ZNF215: variants seen among roughly 807,000 people sequenced by gnomAD.
ZNF215 encodes the protein zinc finger protein 215.
A neutral mutation model predicts 27.2 loss-of-function variants in ZNF215; 24 were observed. The ratio of observed to expected loss-of-function variants is 0.88; its 90% confidence interval spans 0.64 to 1.24. ZNF215 has a LOEUF of 1.24. ZNF215 is among the 50% of genes most tolerant of loss of function. ZNF215 has a pLI of 0.00. For synonymous variants in ZNF215, 210 were observed against 204.0 expected (o/e 1.03, Z -0.25); for missense variants, 675 against 605.7 (o/e 1.11, Z -1.20).
intron 6 of ZNF215, among the ~76,000 whole-genome samples, chr11:6,949,558 C>T (rs1400345585): frequency 1.1e-4 from 16 of 151,874 alleles, no homozygotes; most frequent in South Asian, 2.1e-4. Context: ...TCATGTCCTT[C>T]GCCCACTTGT....
downstream of ZNF215, among the ~76,000 whole-genome samples, chr11:6,992,663 C>T (rs1851128338): frequency 6.6e-6 from 1 of 152,182 alleles, no homozygotes; most frequent in South Asian, 2.1e-4. Context: ...TAGAATCAAC[C>T]ATTGGGACTT....
chr11:6,942,067 G>C (rs1293844049), intron 4 of ZNF215, among the ~76,000 whole-genome samples: 3 of 152,166 alleles, frequency 2.0e-5, no homozygotes, highest in African/African-American at 7.2e-5. Context: ...GAATATTTAA[G>C]GGAGAAATGC....
Position 6,955,599 on chromosome 11 carries a change from T to C in ZNF215, c.713-91T>C, listed in dbSNP as rs1030334986. On this transcript the variant is annotated intron_variant, in intron 6 of 6. Transcript: ENST00000278319. ...ATTTCCATTCTGTATTTAAGACCCG[T>C]GGTATATGCATATACCTTATACAGT... The C allele has an allele frequency of 7.3e-6, 9 of 1,232,244 alleles. No homozygotes were observed. The Admixed American group carries it at 1.7e-4, about 23-fold the overall frequency. The allele number at this position is 1,232,244 out of a possible 1,614,324, so 76.3% of individuals were successfully genotyped here. A position where few individuals can be genotyped will look rare whatever the true frequency, so the allele number is the denominator to read the frequency against.
At position 6,956,246 on chromosome 11, in the gene ZNF215, TA is replaced by T; in HGVS notation, c.1271del (p.Lys424SerfsTer59). 1 of 1,613,852 alleles carries T rather than the reference TA, an allele frequency of 6.2e-7. No individual in the cohort carries two copies. Among genetic ancestry groups the T allele is most frequent in the Non-Finnish European group, 8.5e-7 (1 of 1,179,950 alleles). ...TCTTCAACCGACGTACAAACCTTAC[TA>T]AGCATCAAAAACTTCATGCTGAAGC... ...RFFNRRTNLTKHQKLHAEAKA... is the reference protein window; with the variant it reads ...RFFNRRTNLTXHQKLHAEAKA... On this transcript the variant is annotated frameshift_variant, in exon 7 of 7. Coordinates refer to ENST00000278319, the MANE Select transcript of ZNF215 (RefSeq NM_013250.4). LOFTEE classifies it low-confidence loss of function (END_TRUNC).
chr11:6,968,262 A>G (rs1260995108), intron 5 of ZNF215, among the ~76,000 whole-genome samples: 1 of 152,178 alleles, frequency 6.6e-6, no homozygotes, highest in Non-Finnish European at 1.5e-5. Flanking sequence ...TGTCCTGGCT[A>G]TATGGGCTCT....
intron 6 of ZNF215, among the ~76,000 whole-genome samples, chr11:6,954,027 G>C (rs1163027790): frequency 6.6e-6 from 1 of 152,220 alleles, no homozygotes; most frequent in Admixed American, 6.5e-5. Flanking sequence ...CTGGGTACCA[G>C]CAATGGTGGC....
At position 6,956,370 on chromosome 11, in the gene ZNF215, G is replaced by A. The variant is rs1850354986; in HGVS notation, c.1393G>A (p.Val465Ile). The A allele has an allele frequency of 1.2e-6, 2 of 1,614,030 alleles. No homozygotes were observed. Among genetic ancestry groups the A allele is most frequent in the Non-Finnish European group, 1.7e-6 (2 of 1,180,026 alleles). Residue 465 changes from valine to isoleucine, a missense_variant, in exon 7 of 7, where the codon GTT (valine) becomes ATT (isoleucine). Coordinates refer to ENST00000278319, the MANE Select transcript of ZNF215 (RefSeq NM_013250.4). Reference sequence around the variant, plus strand: ...TTTTGGAAACAATTTCTATCAATGTGTTAACTGTGGAAAATCCTTCAACCG... The same window carrying A: ...TTTTGGAAACAATTTCTATCAATGTATTAACTGTGGAAAATCCTTCAACCG... ...LHFGNNFYQC[V>I]NCGKSFNRSS... is the part of the protein sequence containing the mutation.
chr11:6,945,604 C>G (rs1252377231), intron 6 of ZNF215, among the ~76,000 whole-genome samples: 1 of 152,206 alleles, frequency 6.6e-6, no homozygotes, highest in African/African-American at 2.4e-5. Context: ...CACTTGAATT[C>G]TCAGCAGCAA....
chr11:6,951,312 C>T (rs1453643888), intron 6 of ZNF215, among the ~76,000 whole-genome samples: 1 of 151,954 alleles, frequency 6.6e-6, no homozygotes, highest in Non-Finnish European at 1.5e-5. Flanking sequence ...GGAATGGTAC[C>T]AGTTCCTCCT....
intron 3 of ZNF215, among the ~76,000 whole-genome samples, chr11:6,933,964 G>A (rs920365803): frequency 6.6e-6 from 1 of 152,140 alleles, no homozygotes; most frequent in Admixed American, 6.5e-5. Context: ...AAGTGATATA[G>A]AGATTAGTTA....
At chr11:6,950,108 C>T (rs1849993887) in intron 6 of ZNF215, among the ~76,000 whole-genome samples, 1 of 151,588 alleles carries the variant, frequency 6.6e-6, no homozygotes, top group Non-Finnish European at 1.5e-5. Flanking sequence ...GTTTTGGTAC[C>T]AGTATCATGC....
intron 5 of ZNF215, among the ~76,000 whole-genome samples, chr11:6,964,796 G>C (rs2468986): frequency 0.27 from 40,219 of 151,220 alleles, 5,638 homozygotes; most frequent in African/African-American, 0.34. Flanking sequence ...TTTTTATTAG[G>C]GTTGCATTAA....
chr11:6,971,279 C>T (rs1190040846), intron 5 of ZNF215, among the ~76,000 whole-genome samples: 1 of 152,122 alleles, frequency 6.6e-6, no homozygotes, highest in East Asian at 1.9e-4. Context: ...TAATCTAAAT[C>T]CTTTCCATCA....
intron 6 of ZNF215, among the ~76,000 whole-genome samples, chr11:6,955,080 AAAGC>A (rs1206723912): frequency 6.6e-6 from 1 of 152,182 alleles, no homozygotes; most frequent in African/African-American, 2.4e-5. Flanking sequence ...GAAAAGTACC[AAAGC>A]ACTAATGTTG....
At chr11:6,927,439 C>CT (rs1227538781) in intron 1 of ZNF215, among the ~76,000 whole-genome samples, 2 of 152,116 alleles carry the variant, frequency 1.3e-5, no homozygotes, top group Admixed American at 1.3e-4. Context: ...CAGACAGTAC[C>CT]TTTTTTCCAT....
downstream of ZNF215, chr11:6,988,095 T>G: frequency 6.3e-6 from 4 of 636,878 alleles, no homozygotes; most frequent in Non-Finnish European, 7.8e-6. Flanking sequence ...ACCTGTCAGA[T>G]TAAATGTTAA....
At position 6,957,234 on chromosome 11, in the gene ZNF215, G is replaced by A; in HGVS notation, c.*703G>A. ...ATAATGTTATAATTGTTATGATGTTGATGAGAAAAATATCGATTCCCAGCC... is the reference window on the plus strand; with the variant it reads ...ATAATGTTATAATTGTTATGATGTTAATGAGAAAAATATCGATTCCCAGCC... On this transcript the variant is annotated 3_prime_UTR_variant, in exon 7 of 7. Transcript: ENST00000278319. The A allele has an allele frequency of 1.0e-6, 1 of 972,672 alleles. No homozygotes were observed. The highest frequency in any genetic ancestry group is 1.2e-6 in the Non-Finnish European group (1 of 818,308). The allele number at this position is 972,672 out of a possible 1,614,324, so 60.3% of individuals were successfully genotyped here. A position where few individuals can be genotyped will look rare whatever the true frequency, so the allele number is the denominator to read the frequency against.
chr11:6,965,905 T>C (rs1850609362), intron 5 of ZNF215, among the ~76,000 whole-genome samples: 1 of 152,176 alleles, frequency 6.6e-6, no homozygotes, highest in Non-Finnish European at 1.5e-5. Context: ...CTAGTTTGGA[T>C]TAGACTAATG....
chr11:6,984,660 A>T (rs1038834), downstream of ZNF215: 48,215 of 152,004 alleles, frequency 0.32, 7,972 homozygotes, highest in African/African-American at 0.38. Flanking sequence ...CTTTTATGAG[A>T]AAAAAGGGAG....
Sources: allele counts gnomAD v4.1 joint callset (sites outside exome capture counted in the v4.1 genomes callset), GRCh38; gene constraint gnomAD v4.1.1; transcripts MANE v1.5; gene names NCBI Gene and HGNC (gene_info 2026-07-23, HGNC 2026-07-21).